COBL: variants seen among roughly 807,000 people sequenced by gnomAD.
COBL encodes cordon-bleu WH2 repeat protein.
COBL carries 51 observed loss-of-function variants against 98.8 expected under a neutral mutation model. That is an observed-to-expected ratio of 0.52 (90% CI 0.41 to 0.65). The LOEUF (loss-of-function observed/expected upper bound fraction) is 0.65. COBL is among the 30% of genes least tolerant of loss of function. The pLI is 0.00. For missense variants in COBL, 1,617 were observed against 1,617.5 expected (o/e 1.00, Z 0.01); for synonymous variants, 634 against 651.7 (o/e 0.97, Z 0.41).
intron 1 of COBL, chr7:51,259,959 T>A (rs527481306): frequency 1.3e-6 from 1 of 754,904 alleles, no homozygotes; most frequent in African/African-American, 1.7e-5. Context: ...CTTCTAGTCA[T>A]CTGAGATGCA....
chr7:51,189,604 A>T (rs1233976166), intron 4 of COBL, among the ~76,000 whole-genome samples: 1 of 152,186 alleles, frequency 6.6e-6, no homozygotes, highest in Non-Finnish European at 1.5e-5. Context: ...ATTGCACTAC[A>T]GCCTGGGCTA....
At chr7:51,220,633 C>T (rs373906942) in intron 1 of COBL, among the ~76,000 whole-genome samples, 3 of 152,176 alleles carry the variant, frequency 2.0e-5, no homozygotes, top group Admixed American at 6.5e-5. Flanking sequence ...ATGAGTCACC[C>T]ACACTGAGGA....
intron 1 of COBL, among the ~76,000 whole-genome samples, chr7:51,313,604 T>C (rs1405026149): frequency 6.6e-6 from 1 of 152,206 alleles, no homozygotes; most frequent in African/African-American, 2.4e-5. Context: ...CATTGGAGAT[T>C]ACTGTATTCT....
chr7:51,098,083 T>TGAAAACTACAAAACATTGCTGGAATTAGA (rs1795461232), intron 6 of COBL, among the ~76,000 whole-genome samples: 1 of 150,422 alleles, frequency 6.6e-6, no homozygotes, highest in Non-Finnish European at 1.5e-5. Context: ...ACTTGCACAC[T>TGAAAACTACAAAACATTGCTGGAATTAGA]GAAAACTACA....
At chr7:51,143,193 C>G (rs1784715271) in intron 5 of COBL, among the ~76,000 whole-genome samples, 1 of 152,110 alleles carries the variant, frequency 6.6e-6, no homozygotes, top group South Asian at 2.1e-4. Context: ...ACAGGGCATG[C>G]CTCAATCTGC....
intron 1 of COBL, among the ~76,000 whole-genome samples, chr7:51,268,589 C>G (rs1049603362): frequency 6.6e-6 from 1 of 152,140 alleles, no homozygotes; most frequent in Non-Finnish European, 1.5e-5. Context: ...AGGTGGATCA[C>G]AGAGTAATTC....
intron 2 of COBL, among the ~76,000 whole-genome samples, chr7:51,212,621 T>TC (rs1792562672): frequency 6.6e-6 from 1 of 152,176 alleles, no homozygotes; most frequent in African/African-American, 2.4e-5. Flanking sequence ...CACAAATCAT[T>TC]CCTACAGTCC....
At chr7:51,185,226 G>A (rs941534678) in intron 4 of COBL, among the ~76,000 whole-genome samples, 9 of 152,166 alleles carry the variant, frequency 5.9e-5, no homozygotes, top group South Asian at 2.1e-4. Context: ...CATCAGCATC[G>A]CTGGGAACTT....
intron 1 of COBL, among the ~76,000 whole-genome samples, chr7:51,247,531 A>C (rs1196445770): frequency 6.6e-6 from 1 of 152,218 alleles, no homozygotes; most frequent in Non-Finnish European, 1.5e-5. Flanking sequence ...TTTTGAAGAA[A>C]GTATACAAAG....
chr7:51,259,495 T>C, intron 1 of COBL: 2 of 622,550 alleles, frequency 3.2e-6, no homozygotes, highest in Non-Finnish European at 5.9e-6. Context: ...CCCATCTCCT[T>C]GAGGAAACCC....
chr7:51,021,720 G>A (rs573722110), intron 12 of COBL, among the ~76,000 whole-genome samples: 4 of 152,204 alleles, frequency 2.6e-5, no homozygotes, highest in South Asian at 2.1e-4. Flanking sequence ...TAATATACAC[G>A]AAAGTGTATT....
chr7:51,175,162 A>C (rs1788249002), intron 5 of COBL, among the ~76,000 whole-genome samples: 1 of 152,242 alleles, frequency 6.6e-6, no homozygotes. Context: ...TAAAGAGGAA[A>C]ACTACCTTTT....
intron 1 of COBL, among the ~76,000 whole-genome samples, chr7:51,242,249 C>T (rs4948210): frequency 0.29 from 43,826 of 152,090 alleles, 8,163 homozygotes; most frequent in East Asian, 0.67. Flanking sequence ...TTCATTTACA[C>T]AGGGTGTACA....
intron 1 of COBL, among the ~76,000 whole-genome samples, chr7:51,303,423 G>T (rs11978875): frequency 1.1e-4 from 16 of 152,028 alleles, no homozygotes; most frequent in Admixed American, 8.5e-4. Flanking sequence ...GTCTCTGTGC[G>T]CACCTGACTT....
intron 12 of COBL, among the ~76,000 whole-genome samples, chr7:51,018,005 C>T (rs1027532488): frequency 6.6e-6 from 1 of 152,208 alleles, no homozygotes; most frequent in African/African-American, 2.4e-5. Flanking sequence ...GAGACATACC[C>T]ATAATAATGA....
intron 7 of COBL, chr7:51,073,320 A>G (rs1252152053): frequency 2.9e-6 from 2 of 693,122 alleles, no homozygotes; most frequent in Non-Finnish European, 5.3e-6. Context: ...GAAAGGTCCG[A>G]GGTCAGGAAG....
intron 5 of COBL, among the ~76,000 whole-genome samples, chr7:51,169,216 A>T (rs917874845): frequency 1.3e-5 from 2 of 152,208 alleles, no homozygotes; most frequent in African/African-American, 4.8e-5. Context: ...ACAGACTGCC[A>T]ATCAGAATAT....
rs377193037 is a variant in COBL, at chr7:51,190,925, C to T, written c.610G>A (p.Gly204Arg). 282 of 1,614,152 alleles carry T rather than the reference C, an allele frequency of 1.7e-4. 2 individuals carry two copies. The South Asian group carries it at 2.2e-3, about 13-fold the overall frequency. ...HVVLLRDNIA[G>R]EELELSKSLN... ...GACTTGGACAGCTCCAGCTCCTCTC[C>T]GGCAATGTTGTCCCTGAGGAGAACC... Residue 204 changes from glycine (G) to arginine (R), a missense_variant, in exon 4 of 13, where the codon GGA becomes AGA. By Grantham distance (125) the Gly-to-Arg change is moderately radical. Around this residue, in one of 3 missense-constraint regions of COBL, gnomAD observed 75 missense variants for 120.5 expected, o/e 0.62. Transcript: ENST00000265136.
intron 5 of COBL, chr7:51,172,398 G>C: frequency 9.0e-7 from 1 of 1,116,504 alleles, no homozygotes; most frequent in South Asian, 1.4e-5. Flanking sequence ...GGAAGGTCGC[G>C]CAAAGCAAGA....
Sources: gnomAD v4.1 joint callset for allele counts (sites outside exome capture counted in the v4.1 genomes callset) on GRCh38, gnomAD v4.1.1 for gene constraint, gnomAD v4.1.1 regional missense constraint, MANE v1.5 for transcripts, NCBI Gene and HGNC (gene_info 2026-07-23, HGNC 2026-07-21) for gene names.